The following SNAPC1 variants were observed in gnomAD, a reference collection of about 807,000 sequenced individuals.
SNAPC1 encodes small nuclear RNA activating complex polypeptide 1, also known as snRNA-activating protein complex subunit 1.
In SNAPC1, 42 loss-of-function variants were observed where a neutral mutation model predicts 50.1. The observed-to-expected ratio is 0.84, with a 90% CI of 0.65 to 1.08. The LOEUF (loss-of-function observed/expected upper bound fraction) is 1.08. SNAPC1 is among the 50% of genes least tolerant of loss of function. The pLI, the probability that SNAPC1 is intolerant of heterozygous loss-of-function variation, is 0.00. For synonymous variants in SNAPC1, 164 were observed against 144.2 expected, an observed-to-expected ratio of 1.14 and a Z score of -0.98; for missense variants, 477 against 427.3, an observed-to-expected ratio of 1.12 and a Z score of -1.02.
At chr14:61,777,611 A>ATT (rs60067898) in intron 5 of SNAPC1, among the ~76,000 whole-genome samples, 83 of 109,600 alleles carry the variant, frequency 7.6e-4, no homozygotes, top group Non-Finnish European at 9.3e-4. Context: ...TTTAGTTTTA[A>ATT]TTTTTTTTTT....
In SNAPC1 at chr14:61,793,414, T is replaced by G. The variant is rs143515834; in HGVS notation, c.1072+512T>G. Among the ~76,000 whole-genome samples, 842 of 152,080 alleles carry G rather than the reference T, an allele frequency of 5.5e-3. 14 individuals are homozygous for G. The highest frequency in any genetic ancestry group is 0.019 in the African/African-American group (805 of 41,490). On this transcript the variant is annotated intron_variant, in intron 9 of 9. Coordinates refer to ENST00000216294, the MANE Select transcript of SNAPC1 (RefSeq NM_003082.4). ...CATGCCACCATGCCTGGCTAATTTTTGTATTTTTTGTAGAGACAGGGTCTC... is the reference window on the plus strand; with the variant it reads ...CATGCCACCATGCCTGGCTAATTTTGGTATTTTTTGTAGAGACAGGGTCTC...
At chr14:61,772,688 C>G (rs2045001078) in intron 4 of SNAPC1, among the ~76,000 whole-genome samples, 1 of 152,190 alleles carries the variant, frequency 6.6e-6, no homozygotes, top group Non-Finnish European at 1.5e-5. Flanking sequence ...CCATGGTTGT[C>G]CGGTTTTAAT....
At chr14:61,772,375 C>T (rs991884782) in intron 4 of SNAPC1, among the ~76,000 whole-genome samples, 1 of 152,112 alleles carries the variant, frequency 6.6e-6, no homozygotes, top group Non-Finnish European at 1.5e-5. Flanking sequence ...CTCCTGAATA[C>T]CTGGGATTAC....
Position 61,767,821 on chromosome 14 carries a change from C to G in SNAPC1, c.429+469C>G, listed in dbSNP as rs376048710. Among the ~76,000 whole-genome samples the G allele has an allele frequency of 1.1e-4, 17 of 152,168 alleles. No individual in the cohort carries two copies. The South Asian group carries it at 3.3e-3, about 30-fold the overall frequency. ...TTGATACAGAGTCTTGCCCTGTCGCCCAGGCTGGAGTACAGTGGTGCTATC... is the reference window on the plus strand; with the variant it reads ...TTGATACAGAGTCTTGCCCTGTCGCGCAGGCTGGAGTACAGTGGTGCTATC... On this transcript the variant is annotated intron_variant, in intron 3 of 9. Coordinates refer to ENST00000216294, the MANE Select transcript of SNAPC1 (RefSeq NM_003082.4).
At chr14:61,773,273 C>T (rs550757948) in intron 4 of SNAPC1, among the ~76,000 whole-genome samples, 1 of 152,152 alleles carries the variant, frequency 6.6e-6, no homozygotes, top group African/African-American at 2.4e-5. Context: ...TTCATTTATA[C>T]AGTTATAATA....
At chr14:61,765,464 G>C (rs895133796) in intron 1 of SNAPC1, among the ~76,000 whole-genome samples, 1 of 152,138 alleles carries the variant, frequency 6.6e-6, no homozygotes, top group African/African-American at 2.4e-5. Flanking sequence ...CAAGAAGTAC[G>C]TTGGTTCGTT....
At chr14:61,775,943 G>T in intron 4 of SNAPC1, 152 bp from the exon 5 acceptor site, 1 of 553,336 alleles carries the variant, frequency 1.8e-6, no homozygotes, top group East Asian at 3.3e-5. Context: ...GTACTATTTT[G>T]CTTACATGAT....
At chr14:61,792,102 A>G (rs998333013) in intron 8 of SNAPC1, among the ~76,000 whole-genome samples, 6 of 138,462 alleles carry the variant, frequency 4.3e-5, no homozygotes, top group Admixed American at 2.3e-4. Context: ...GACTCCATTA[A>G]AAAAGAAAAA....
chr14:61,765,939 G>A (rs766839048), intron 1 of SNAPC1, among the ~76,000 whole-genome samples: 1 of 152,120 alleles, frequency 6.6e-6, no homozygotes, highest in South Asian at 2.1e-4. Flanking sequence ...CCTCGGCTTC[G>A]CAAGGACAGA....
chr14:61,762,450 C>CTTCGGAGGCGTGCGGGT lies in SNAPC1; in HGVS notation c.-6_-5insAGGCGTGCGGGTTTCGG, dbSNP rs774655920. The CTTCGGAGGCGTGCGGGT allele has an allele frequency of 8.7e-6, 14 of 1,611,800 alleles. No homozygotes were observed. Among genetic ancestry groups the CTTCGGAGGCGTGCGGGT allele is most frequent in the Non-Finnish European group, 1.1e-5 (13 of 1,179,774 alleles). ...CGTGCGGGCTTCGGAGGCGTGCGGGCTTCGGGTGCCATGGGGACTCCTCCC... is the reference window on the plus strand; with the variant it reads ...CGTGCGGGCTTCGGAGGCGTGCGGGCTTCGGAGGCGTGCGGGTTTCGGGTGCCATGGGGACTCCTCCC... On this transcript the variant is annotated 5_prime_UTR_variant, in exon 1 of 10. Transcript: ENST00000216294.
intron 8 of SNAPC1, among the ~76,000 whole-genome samples, chr14:61,791,680 C>T (rs151272483): frequency 1.3e-5 from 2 of 152,242 alleles, no homozygotes; most frequent in Admixed American, 6.5e-5. Context: ...GAACCCCCAT[C>T]TCTACTACAA....
rs1174829335 is a variant in SNAPC1, at chr14:61,766,908, T to C, written c.161T>C (p.Phe54Ser). The C allele has an allele frequency of 5.6e-6, 9 of 1,610,420 alleles. No individual in the cohort carries two copies. Among genetic ancestry groups the C allele is most frequent in the Non-Finnish European group, 7.6e-6 (9 of 1,176,956 alleles). The change falls in exon 2 of 10, where the codon TTT (phenylalanine) becomes TCT (serine). Residue 54 changes from phenylalanine (F) to serine (S), a missense_variant. Coordinates refer to ENST00000216294, the MANE Select transcript of SNAPC1 (RefSeq NM_003082.4). ...ATGAGAAATTTAGAAAAGAACATGT[T>C]TACAAAAGAAGCTTTAGCTTTGGCT... ...GRMRNLEKNM[F>S]TKEALALAWR...
intron 4 of SNAPC1, among the ~76,000 whole-genome samples, chr14:61,775,682 A>T (rs2045030441): frequency 6.6e-6 from 1 of 152,214 alleles, no homozygotes; most frequent in South Asian, 2.1e-4. Flanking sequence ...TTTCCAGCAG[A>T]GCATAAAGGA....
Position 61,766,986 on chromosome 14 carries a change from A to G in SNAPC1, c.239A>G (p.Tyr80Cys). The G allele has an allele frequency of 6.2e-7, 1 of 1,611,344 alleles. No individual in the cohort carries two copies. Among genetic ancestry groups the G allele is most frequent in the Non-Finnish European group, 8.5e-7 (1 of 1,177,652 alleles). ...TTCCAGATCAGAGTTGGTGCTTTGT[A>G]TCTGCTATATGGATTATATAATACC... ...YTFQIRVGAL[Y>C]LLYGLYNTQL... The change falls in exon 2 of 10, where the codon TAT becomes TGT. Residue 80 changes from tyrosine to cysteine, a missense_variant. Coordinates refer to ENST00000216294, the MANE Select transcript of SNAPC1 (RefSeq NM_003082.4).
intron 3 of SNAPC1, among the ~76,000 whole-genome samples, chr14:61,768,167 AGT>A (rs2044962726): frequency 1.3e-5 from 2 of 152,244 alleles, no homozygotes; most frequent in African/African-American, 4.8e-5. Flanking sequence ...TTTTAAATGC[AGT>A]GTATCTGGGT....
rs2045178929 is a variant in SNAPC1 at position 61,795,013 on chromosome 14, G to C, written c.*30G>C. On this transcript the variant is annotated 3_prime_UTR_variant, in exon 10 of 10. Coordinates refer to ENST00000216294, the MANE Select transcript of SNAPC1 (RefSeq NM_003082.4). ...AGAGCCTGGTGTAGTTTTTAATTTT[G>C]AGTTTTCTGACAGAAGAAAAGATTG... 4 of 1,475,956 alleles carry C rather than the reference G, an allele frequency of 2.7e-6. No individual in the cohort carries two copies. The South Asian group carries it at 5.0e-5, about 18-fold the overall frequency. 91.4% of individuals were successfully genotyped at this position (1,475,956 alleles called of 1,614,324 possible).
At chr14:61,789,034 C>G (rs2045133943) in intron 8 of SNAPC1, among the ~76,000 whole-genome samples, 2 of 152,086 alleles carry the variant, frequency 1.3e-5, no homozygotes, top group South Asian at 4.1e-4. Context: ...AGTTCAAAAC[C>G]AGCCTGGCCA....
intron 1 of SNAPC1, among the ~76,000 whole-genome samples, chr14:61,766,339 C>T (rs938909422): frequency 1.3e-5 from 2 of 152,138 alleles, no homozygotes; most frequent in African/African-American, 2.4e-5. Context: ...TGTGAAGTCC[C>T]GTTCCAGCCA....
intron 8 of SNAPC1, among the ~76,000 whole-genome samples, chr14:61,789,292 G>A (rs1046289965): frequency 6.7e-5 from 10 of 149,334 alleles, no homozygotes; most frequent in South Asian, 2.1e-4. Context: ...AAAATATATC[G>A]ACTAAAAATA....
Sources: gnomAD v4.1 joint callset for allele counts (sites outside exome capture counted in the v4.1 genomes callset) on GRCh38, gnomAD v4.1.1 for gene constraint, MANE v1.5 for transcripts, NCBI Gene and HGNC (gene_info 2026-07-23, HGNC 2026-07-21) for gene names.